NEK7: variants seen among roughly 807,000 people sequenced by gnomAD.
The protein encoded by NEK7 is NIMA related kinase 7.
Under a neutral mutation model 44.6 loss-of-function variants are expected in NEK7, and 18 were observed. The ratio of observed to expected loss-of-function variants is 0.40; its 90% CI spans 0.28 to 0.60. The LOEUF (loss-of-function observed/expected upper bound fraction) is 0.60, where lower values mean the gene tolerates loss of function less well. Among genes scored for constraint, NEK7 ranks in the 20% least tolerant of loss-of-function variants. The probability of loss-of-function intolerance (pLI) is 0.38; values close to 1 mark genes in which losing one functional copy is unlikely to be tolerated. For missense variants in NEK7, 256 were observed against 366.5 expected, an observed-to-expected ratio of 0.70 and a Z score of 2.46; for synonymous variants, 130 against 121.1, an observed-to-expected ratio of 1.07 and a Z score of -0.48.
intron 2 of NEK7, among the ~76,000 whole-genome samples, chr1:198,236,216 GAAGT>G (rs1277702686): frequency 6.6e-6 from 1 of 152,044 alleles, no homozygotes; most frequent in East Asian, 1.9e-4. Flanking sequence ...CTTTCTTTGT[GAAGT>G]AAGTGTCATT....
intron 4 of NEK7, among the ~76,000 whole-genome samples, chr1:198,263,196 T>C (rs1230775109): frequency 6.6e-6 from 1 of 151,936 alleles, no homozygotes; most frequent in East Asian, 1.9e-4. Flanking sequence ...TACTGCGGCC[T>C]ATGTTGTATT....
At chr1:198,241,264 A>G (rs1666677372) in intron 2 of NEK7, among the ~76,000 whole-genome samples, 1 of 152,204 alleles carries the variant, frequency 6.6e-6, no homozygotes, top group Non-Finnish European at 1.5e-5. Context: ...CTTATGTTTC[A>G]CATAGCTTTC....
intron 9 of NEK7, among the ~76,000 whole-genome samples, chr1:198,309,469 T>G (rs996922137): frequency 9.2e-5 from 14 of 152,106 alleles, no homozygotes; most frequent in Admixed American, 7.2e-4. Flanking sequence ...TATTATACTT[T>G]AAGTTTTAGG....
At chr1:198,294,043 G>GT (rs903260425) in intron 8 of NEK7, among the ~76,000 whole-genome samples, 2 of 151,760 alleles carry the variant, frequency 1.3e-5, no homozygotes, top group African/African-American at 4.8e-5. Context: ...ATTAGGAGGT[G>GT]TTTTTTGACT....
intron 7 of NEK7, among the ~76,000 whole-genome samples, chr1:198,291,846 T>A (rs1369716783): frequency 6.6e-6 from 1 of 152,132 alleles, no homozygotes; most frequent in African/African-American, 2.4e-5. Context: ...AACTGACTCC[T>A]GCCTTTGAGT....
chr1:198,226,694 T>C (rs1455449092), intron 1 of NEK7, among the ~76,000 whole-genome samples: 2 of 151,820 alleles, frequency 1.3e-5, no homozygotes, highest in African/African-American at 2.4e-5. Flanking sequence ...CCTTTTGCTC[T>C]AATATTGGGG....
chr1:198,279,281 T>TA (rs996185079), intron 7 of NEK7, among the ~76,000 whole-genome samples: 103 of 147,104 alleles, frequency 7.0e-4, no homozygotes, highest in Admixed American at 1.2e-3. Context: ...GACACTGAGT[T>TA]AAAAAAAAAA....
At chr1:198,179,898 G>GTC (rs1223016029) in intron 1 of NEK7, among the ~76,000 whole-genome samples, 4 of 152,082 alleles carry the variant, frequency 2.6e-5, no homozygotes, top group African/African-American at 9.7e-5. Flanking sequence ...ATTTATAGGA[G>GTC]TCAGGAAACC....
intron 1 of NEK7, among the ~76,000 whole-genome samples, chr1:198,167,741 C>A (rs1253639462): frequency 6.6e-6 from 1 of 152,130 alleles, no homozygotes; most frequent in Non-Finnish European, 1.5e-5. Context: ...ACCTGTAGTT[C>A]TCTATCTTGT....
At chr1:198,183,773 T>C (rs1664835273) in intron 1 of NEK7, among the ~76,000 whole-genome samples, 1 of 152,214 alleles carries the variant, frequency 6.6e-6, no homozygotes, top group Non-Finnish European at 1.5e-5. Context: ...GCCTGCTATG[T>C]GCCTATGGTG....
chr1:198,294,564 A>G (rs1654655803), intron 8 of NEK7, among the ~76,000 whole-genome samples: 1 of 152,104 alleles, frequency 6.6e-6, no homozygotes, highest in Non-Finnish European at 1.5e-5. Flanking sequence ...AGTTCTGTTG[A>G]GGTAGTAAGT....
chr1:198,291,714 A>G (rs187274261), intron 7 of NEK7, among the ~76,000 whole-genome samples: 3 of 152,094 alleles, frequency 2.0e-5, no homozygotes, highest in Admixed American at 6.5e-5. Flanking sequence ...GCTATCCATG[A>G]TTAGTAAAAA....
intron 3 of NEK7, among the ~76,000 whole-genome samples, chr1:198,254,057 G>A (rs1177647373): frequency 6.6e-6 from 1 of 151,772 alleles, no homozygotes; most frequent in South Asian, 2.1e-4. Context: ...AGATACCTGT[G>A]AAATCTAAAT....
chr1:198,198,110 G>C (rs1232946622), intron 1 of NEK7: 8 of 1,243,910 alleles, frequency 6.4e-6, no homozygotes, highest in African/African-American at 6.2e-5. Context: ...TGGGTGGGCA[G>C]GATTGGAACC....
At chr1:198,238,398 A>G (rs1013137842) in intron 2 of NEK7, among the ~76,000 whole-genome samples, 13 of 152,086 alleles carry the variant, frequency 8.5e-5, no homozygotes, top group African/African-American at 3.1e-4. Flanking sequence ...ATTCCATTCA[A>G]CTAAAGGACT....
intron 1 of NEK7, among the ~76,000 whole-genome samples, chr1:198,214,677 G>A (rs546216262): frequency 6.6e-6 from 1 of 152,190 alleles, no homozygotes; most frequent in East Asian, 1.9e-4. Flanking sequence ...AAGAAGTATG[G>A]GATTATATAA....
rs1000271347 is a variant in NEK7, at chr1:198,183,355, C to T, written c.-29+26079C>T. The stretch of plus-strand genomic sequence containing the variant: ...TCAAAGGAGGAGTTTAGTAAATTTC[C>T]GTTGAATAGATAGGGGCCTGTAATT... On this transcript the variant is annotated intron_variant, in intron 1 of 9. Coordinates refer to ENST00000367385, the MANE Select transcript of NEK7 (RefSeq NM_133494.3). 9.2e-5 allele frequency among the ~76,000 whole-genome samples: 14 copies of T among 151,888 alleles called. No individual in the cohort carries two copies. The East Asian group carries it at 1.9e-3, about 21-fold the overall frequency.
At chr1:198,276,306 T>C (rs139385044) in intron 5 of NEK7, among the ~76,000 whole-genome samples, 3,641 of 151,788 alleles carry the variant, frequency 0.024, 70 homozygotes, top group African/African-American at 0.046. Flanking sequence ...AAATTTGTTT[T>C]CATGGTCTGA....
At chr1:198,167,538 C>T (rs1664304012) in intron 1 of NEK7, among the ~76,000 whole-genome samples, 1 of 152,194 alleles carries the variant, frequency 6.6e-6, no homozygotes, top group Admixed American at 6.5e-5. Context: ...AGTTCCTTCT[C>T]AACCAAACGG....
Sources: gnomAD v4.1 joint callset for allele counts (sites outside exome capture counted in the v4.1 genomes callset) on GRCh38, gnomAD v4.1.1 for gene constraint, MANE v1.5 for transcripts, NCBI Gene and HGNC (gene_info 2026-07-23, HGNC 2026-07-21) for gene names.